KLHL29: variants seen among roughly 807,000 people sequenced by gnomAD.
KLHL29 encodes the protein kelch-like protein 29.
In KLHL29, 21 loss-of-function variants were observed where a neutral mutation model predicts 80.4. The ratio of observed to expected loss-of-function variants is 0.26; its 90% CI spans 0.19 to 0.38. KLHL29 has a LOEUF of 0.38. KLHL29 is among the 10% of genes least tolerant of loss of function. KLHL29 has a pLI of 1.00. For missense variants in KLHL29, 867 were observed against 1,223.9 expected, an observed-to-expected ratio of 0.71 and a Z score of 4.35; for synonymous variants, 511 against 526.8, an observed-to-expected ratio of 0.97 and a Z score of 0.41.
At position 23,439,665 on chromosome 2, in the gene KLHL29, G is replaced by C. The variant is rs905635653; in HGVS notation, c.-153-35895G>C. Among the ~76,000 whole-genome samples the C allele has an allele frequency of 5.3e-5, 8 of 151,938 alleles. No homozygotes were observed. In the East Asian group the frequency reaches 1.2e-3, roughly 22 times the overall value. On this transcript the variant is annotated intron_variant, in intron 1 of 13. Transcript: ENST00000486442. Reference sequence around the variant, plus strand: ...CTGAGTTCTAGTTTGATTGCACTGTGGTCTGAGAGACAGTTTGTTATAATT... The same window carrying C: ...CTGAGTTCTAGTTTGATTGCACTGTCGTCTGAGAGACAGTTTGTTATAATT...
intron 1 of KLHL29, among the ~76,000 whole-genome samples, chr2:23,431,506 C>T (rs1446846876): frequency 6.6e-6 from 1 of 152,260 alleles, no homozygotes; most frequent in East Asian, 1.9e-4. Context: ...CAGCCCTGCT[C>T]CTCCGCCGGC....
intron 3 of KLHL29, among the ~76,000 whole-genome samples, chr2:23,590,367 T>A (rs1262775745): frequency 6.6e-6 from 1 of 152,250 alleles, no homozygotes; most frequent in African/African-American, 2.4e-5. Context: ...CCCTGCTGTT[T>A]GTTCCAGCTC....
chr2:23,572,269 C>G (rs1483441075), intron 3 of KLHL29, among the ~76,000 whole-genome samples: 1 of 152,184 alleles, frequency 6.6e-6, no homozygotes, highest in Non-Finnish European at 1.5e-5. Context: ...CCTGCCACTC[C>G]GTCTTCCTAG....
intron 3 of KLHL29, among the ~76,000 whole-genome samples, chr2:23,627,473 C>T (rs540645168): frequency 6.6e-6 from 1 of 152,202 alleles, no homozygotes; most frequent in East Asian, 1.9e-4. Flanking sequence ...CAGCTCTGAC[C>T]CCCATACCAT....
At chr2:23,704,376 G>A (rs1419874538) in intron 13 of KLHL29, among the ~76,000 whole-genome samples, 1 of 152,320 alleles carries the variant, frequency 6.6e-6, no homozygotes, top group East Asian at 1.9e-4. Flanking sequence ...GCTGAGTGTG[G>A]CTCGGTCCCC....
intron 3 of KLHL29, among the ~76,000 whole-genome samples, chr2:23,586,847 T>TC (rs147644983): frequency 6.6e-6 from 1 of 151,606 alleles, no homozygotes; most frequent in African/African-American, 2.4e-5. Context: ...AATGCTCTCT[T>TC]CCCCCCACGG....
intron 3 of KLHL29, among the ~76,000 whole-genome samples, chr2:23,570,977 C>A (rs961850185): frequency 6.6e-6 from 1 of 152,230 alleles, no homozygotes; most frequent in African/African-American, 2.4e-5. Flanking sequence ...CAGAGTGGAT[C>A]TGCCCAGCTC....
intron 3 of KLHL29, chr2:23,616,811 C>T (rs1041702338): frequency 6.6e-6 from 1 of 152,214 alleles, no homozygotes; most frequent in South Asian, 2.1e-4. Context: ...ACTCTGGCAC[C>T]GTTCCCGGGG....
chr2:23,643,936 C>T (rs1476970289), intron 5 of KLHL29: 2 of 152,176 alleles, frequency 1.3e-5, no homozygotes, highest in Non-Finnish European at 2.9e-5. Flanking sequence ...CTTGAGATGG[C>T]ATTTCGGGGT....
intron 1 of KLHL29, among the ~76,000 whole-genome samples, chr2:23,434,014 T>TAG (rs745752421): frequency 1.6e-3 from 244 of 152,232 alleles, no homozygotes; most frequent in Non-Finnish European, 2.1e-3. Flanking sequence ...TGCAAGTGTG[T>TAG]AGAGCCCTTT....
At chr2:23,446,018 G>GT (rs1663663896) in intron 1 of KLHL29, among the ~76,000 whole-genome samples, 1 of 151,598 alleles carries the variant, frequency 6.6e-6, no homozygotes, top group Admixed American at 6.6e-5. Flanking sequence ...TCCTTTCTTC[G>GT]TTTTTTCATT....
At chr2:23,589,066 T>A (rs2103514716) in intron 3 of KLHL29, among the ~76,000 whole-genome samples, 1 of 152,388 alleles carries the variant, frequency 6.6e-6, no homozygotes. Flanking sequence ...TCTTATTCAT[T>A]CTTCTCTCCA....
chr2:23,530,489 G>A (rs1666457539), intron 2 of KLHL29, among the ~76,000 whole-genome samples: 1 of 152,210 alleles, frequency 6.6e-6, no homozygotes, highest in Non-Finnish European at 1.5e-5. Context: ...TCCCCCAGCT[G>A]TACTGTTGAA....
intron 2 of KLHL29, among the ~76,000 whole-genome samples, chr2:23,505,100 G>T (rs752420304): frequency 6.6e-6 from 1 of 152,338 alleles, no homozygotes; most frequent in South Asian, 2.1e-4. Context: ...TCTCATGTTT[G>T]GCTTTTTATA....
intron 1 of KLHL29, among the ~76,000 whole-genome samples, chr2:23,462,903 G>T (rs1319498610): frequency 6.6e-6 from 1 of 152,194 alleles, no homozygotes; most frequent in African/African-American, 2.4e-5. Context: ...GGGAGGCCAA[G>T]GTGGGAGGAT....
At chr2:23,501,517 G>A (rs1338601437) in intron 2 of KLHL29, among the ~76,000 whole-genome samples, 1 of 152,132 alleles carries the variant, frequency 6.6e-6, no homozygotes, top group East Asian at 1.9e-4. Flanking sequence ...CCCGATCATC[G>A]ATGTTCAGGT....
intron 2 of KLHL29, among the ~76,000 whole-genome samples, chr2:23,561,829 A>T (rs1455503936): frequency 6.6e-6 from 1 of 152,128 alleles, no homozygotes; most frequent in Non-Finnish European, 1.5e-5. Context: ...GAGGGGATAA[A>T]GTCCCATCCA....
At chr2:23,475,996 A>G (rs538894207) in intron 2 of KLHL29, among the ~76,000 whole-genome samples, 1 of 152,302 alleles carries the variant, frequency 6.6e-6, no homozygotes, top group South Asian at 2.1e-4. Flanking sequence ...CTTCCACCTC[A>G]GCCTCCCAAG....
intron 2 of KLHL29, chr2:23,532,749 C>G (rs919300241): frequency 4.6e-6 from 2 of 431,008 alleles, no homozygotes; most frequent in Non-Finnish European, 9.3e-6. Flanking sequence ...CCCACTACAC[C>G]CTCTGCACGG....
Sources: gnomAD v4.1 joint callset for allele counts (sites outside exome capture counted in the v4.1 genomes callset) on GRCh38, gnomAD v4.1.1 for gene constraint, MANE v1.5 for transcripts, NCBI Gene and HGNC (gene_info 2026-07-23, HGNC 2026-07-21) for gene names.